Variants in AKR1B15 observed in about 807,000 individuals in gnomAD.
The protein encoded by AKR1B15 is aldo-keto reductase family 1 member B15.
Under a neutral mutation model 38.5 loss-of-function variants are expected in AKR1B15, and 49 were observed. That is an observed-to-expected ratio of 1.27 (90% confidence interval 1.01 to 1.62). AKR1B15 has a LOEUF of 1.62. Ranked by LOEUF, AKR1B15 falls within the 40% of genes most tolerant of loss-of-function variation. The pLI, the probability that AKR1B15 is intolerant of heterozygous loss-of-function variation, is 0.00. For missense variants in AKR1B15, 411 were observed against 381.6 expected, an observed-to-expected ratio of 1.08 and a Z score of -0.64; for synonymous variants, 137 against 135.5, an observed-to-expected ratio of 1.01 and a Z score of -0.08.
rs569399753 is a variant in AKR1B15, at chr7:134,570,706, G to C, written c.436-898G>C. Among the ~76,000 whole-genome samples the C allele has an allele frequency of 3.3e-5, 5 of 152,330 alleles. No individual in the cohort carries two copies. The South Asian group carries it at 1.0e-3, about 32-fold the overall frequency. Reference sequence around the variant, plus strand: ...CAGGGCTGCAGAGTGGTGTGGACTGGAGCAGGAGAGCTTGCACTTCATAAT... The same window carrying C: ...CAGGGCTGCAGAGTGGTGTGGACTGCAGCAGGAGAGCTTGCACTTCATAAT... On this transcript the variant is annotated intron_variant, in intron 5 of 11. Coordinates refer to ENST00000457545, the MANE Select transcript of AKR1B15 (RefSeq NM_001080538.3).
intron 1 of AKR1B15, among the ~76,000 whole-genome samples, chr7:134,551,060 G>A (rs1793954108): frequency 6.6e-6 from 1 of 152,142 alleles, no homozygotes; most frequent in South Asian, 2.1e-4. Context: ...GTCCTTTTTA[G>A]CCAGACCTCA....
At chr7:134,554,497 C>T (rs981732897) in intron 1 of AKR1B15, among the ~76,000 whole-genome samples, 1 of 152,022 alleles carries the variant, frequency 6.6e-6, no homozygotes, top group Admixed American at 6.6e-5. Flanking sequence ...TAAAACTGGC[C>T]CAGCTTCTAA....
Position 134,575,928 on chromosome 7 carries a change from G to C in AKR1B15, c.743+1G>C, listed in dbSNP as rs1288779566. On this transcript the variant is annotated splice_donor_variant, in intron 8 of 11. Transcript: ENST00000457545. LOFTEE classifies it high-confidence loss of function. The stretch of plus-strand genomic sequence containing the variant: ...CCCTGGGCTCTCCGGATAGACCTTG[G>C]TGAGGCTTCCAAGTGGTGGGTCTTT... 1 of 1,612,526 alleles carries C rather than the reference G, an allele frequency of 6.2e-7. No individual in the cohort carries two copies. The highest frequency in any genetic ancestry group is 1.7e-5 in the Admixed American group (1 of 59,628).
intron 1 of AKR1B15, among the ~76,000 whole-genome samples, chr7:134,552,525 G>C (rs12056189): frequency 0.071 from 10,785 of 152,094 alleles, 644 homozygotes; most frequent in East Asian, 0.31. Flanking sequence ...ACTATTACAA[G>C]CTGGTATACT....
At chr7:134,569,766 C>A in intron 5 of AKR1B15, 1 of 442,880 alleles carries the variant, frequency 2.3e-6, no homozygotes, top group Non-Finnish European at 4.1e-6. Flanking sequence ...CCAATCAGTA[C>A]TTTTGTGATT....
intron 2 of AKR1B15, among the ~76,000 whole-genome samples, chr7:134,562,902 C>CTTCTTTTTTCT (rs1794452601): frequency 7.7e-6 from 1 of 130,068 alleles, no homozygotes. Flanking sequence ...TTCTTTCTTC[C>CTTCTTTTTTCT]TTCCTTCTTT....
chr7:134,578,228 C>T (rs1269712956), intron 11 of AKR1B15, among the ~76,000 whole-genome samples: 1 of 152,124 alleles, frequency 6.6e-6, no homozygotes, highest in African/African-American at 2.4e-5. Flanking sequence ...AAATGCTAGA[C>T]AGAAAAGTAA....
chr7:134,571,340 C>G (rs952877182), intron 5 of AKR1B15, among the ~76,000 whole-genome samples: 9 of 152,128 alleles, frequency 5.9e-5, no homozygotes, highest in African/African-American at 2.2e-4. Flanking sequence ...AGGTTAATGT[C>G]CATGGTGATA....
chr7:134,551,774 C>G (rs1793987667), intron 1 of AKR1B15, among the ~76,000 whole-genome samples: 1 of 152,132 alleles, frequency 6.6e-6, no homozygotes, highest in Non-Finnish European at 1.5e-5. Flanking sequence ...AGAGGACTCC[C>G]CTATAAAGAA....
chr7:134,569,572 T>TGCTCCTGCTAGA, intron 5 of AKR1B15, 43 bp downstream of exon 5: 6 of 1,606,462 alleles, frequency 3.7e-6, no homozygotes, highest in Middle Eastern at 1.7e-4. Flanking sequence ...TCTGAGCTGT[T>TGCTCCTGCTAGA]GCAGGAATTC....
chr7:134,569,860 A>T (rs1794630358), intron 5 of AKR1B15: 1 of 260,880 alleles, frequency 3.8e-6, no homozygotes, highest in East Asian at 8.8e-5. Context: ...CCCTGTGATG[A>T]TTGCATTAAC....
At chr7:134,573,276 C>A in intron 6 of AKR1B15, 1 of 707,356 alleles carries the variant, frequency 1.4e-6, no homozygotes, top group South Asian at 6.3e-5. Context: ...AGGGATCCAC[C>A]CGTCTCAGCC....
chr7:134,577,178 A>C, intron 10 of AKR1B15, 132 bp downstream of exon 10: 1 of 948,946 alleles, frequency 1.1e-6, no homozygotes. Flanking sequence ...ATCATTTTCC[A>C]GCCCAGGGAG....
rs770204962 is a variant in AKR1B15, at chr7:134,568,304, G to C, written c.297G>C (p.Glu99Asp). The C allele has an allele frequency of 2.5e-6, 4 of 1,614,122 alleles. No homozygotes were observed. The highest frequency in any genetic ancestry group is 3.4e-6 in the Non-Finnish European group (4 of 1,179,986). The change falls in exon 4 of 12, where the codon GAG (glutamate) becomes GAC (aspartate). Residue 99 changes from glutamate to aspartate, a missense_variant. This residue lies in a region of AKR1B15 where 254 missense variants were observed against 212.4 expected (regional missense o/e 1.20). Transcript: ENST00000457545. ...TCCAAGAGAAGGCTGTGATGCGGGAGGACCTGTTCATCGTCAGCAAGGTGC... is the reference window on the plus strand; with the variant it reads ...TCCAAGAGAAGGCTGTGATGCGGGACGACCTGTTCATCGTCAGCAAGGTGC... Reference protein sequence around the residue: ...EKIQEKAVMREDLFIVSKVWP... With the variant: ...EKIQEKAVMRDDLFIVSKVWP...
At chr7:134,554,968 A>C (rs908655684) in intron 1 of AKR1B15, among the ~76,000 whole-genome samples, 1 of 152,126 alleles carries the variant, frequency 6.6e-6, no homozygotes, top group African/African-American at 2.4e-5. Context: ...CCATCCTAAA[A>C]AGTACTCTTG....
intron 1 of AKR1B15, among the ~76,000 whole-genome samples, chr7:134,555,056 T>TA (rs1794144118): frequency 6.6e-6 from 1 of 152,194 alleles, no homozygotes; most frequent in Non-Finnish European, 1.5e-5. Context: ...ATGCACCCCT[T>TA]ACCAGGCTGG....
Position 134,577,686 on chromosome 7 carries a change from G to C in AKR1B15, c.910-18G>C, listed in dbSNP as rs773423825. On this transcript the variant is annotated intron_variant, in intron 10 of 11. Coordinates refer to ENST00000457545, the MANE Select transcript of AKR1B15 (RefSeq NM_001080538.3). ...TAACAGCCTTACCGATAATGTATTGGAATTCTTTCCTTTCTAGGTCTTTGA... is the reference window on the plus strand; with the variant it reads ...TAACAGCCTTACCGATAATGTATTGCAATTCTTTCCTTTCTAGGTCTTTGA... 3 of 1,612,012 alleles carry C rather than the reference G, an allele frequency of 1.9e-6. No homozygotes were observed. The highest frequency in any genetic ancestry group is 2.5e-6 in the Non-Finnish European group (3 of 1,179,014).
At chr7:134,576,562 T>C in intron 9 of AKR1B15, 132 bp downstream of exon 9, 1 of 1,107,968 alleles carries the variant, frequency 9.0e-7, no homozygotes, top group Non-Finnish European at 1.3e-6. Flanking sequence ...AAGTATTTCC[T>C]TTGAAGTCTG....
chr7:134,553,234 T>G (rs1355106132), intron 1 of AKR1B15, among the ~76,000 whole-genome samples: 1 of 152,148 alleles, frequency 6.6e-6, no homozygotes, highest in Non-Finnish European at 1.5e-5. Flanking sequence ...TTCATGGAAA[T>G]TGCCAAACCC....
Sources: allele counts gnomAD v4.1 joint callset (sites outside exome capture counted in the v4.1 genomes callset), GRCh38; gene constraint gnomAD v4.1.1; regional missense constraint gnomAD v4.1.1; transcripts MANE v1.5; gene names NCBI Gene and HGNC (gene_info 2026-07-23, HGNC 2026-07-21).